Variants in PRKCE observed in about 807,000 individuals in gnomAD.
The protein encoded by PRKCE is protein kinase C epsilon, also known as protein kinase C epsilon type.
A neutral mutation model predicts 85.4 loss-of-function variants in PRKCE; 16 were observed. That is an observed-to-expected ratio of 0.19 (90% CI 0.13 to 0.28). PRKCE has a LOEUF of 0.28. PRKCE is among the 10% of genes least tolerant of loss of function. PRKCE has a pLI of 1.00. For missense variants in PRKCE, 573 were observed against 975.2 expected (o/e 0.59, Z 5.49); for synonymous variants, 388 against 371.5 (o/e 1.04, Z -0.51).
At chr2:45,840,130 G>GCATT (rs1691226604) in intron 1 of PRKCE, among the ~76,000 whole-genome samples, 1 of 152,168 alleles carries the variant, frequency 6.6e-6, no homozygotes, top group Non-Finnish European at 1.5e-5. Context: ...TACACAGATA[G>GCATT]CATTGTACTT....
intron 13 of PRKCE, among the ~76,000 whole-genome samples, chr2:46,156,412 G>A (rs909631281): frequency 2.0e-5 from 3 of 152,200 alleles, no homozygotes; most frequent in Non-Finnish European, 2.9e-5. Flanking sequence ...TGGCAGTTAC[G>A]TGTTTCTTCT....
chr2:46,168,460 GA>G, intron 14 of PRKCE, among the ~76,000 whole-genome samples: 1 of 152,126 alleles, frequency 6.6e-6, no homozygotes, highest in Non-Finnish European at 1.5e-5. Context: ...AACTATCTGC[GA>G]AAGGCATAAA....
At chr2:46,166,583 T>C (rs893179768) in intron 14 of PRKCE, among the ~76,000 whole-genome samples, 5 of 152,220 alleles carry the variant, frequency 3.3e-5, no homozygotes, top group Non-Finnish European at 7.3e-5. Flanking sequence ...AAAATTGCTC[T>C]CACAGGAAAG....
intron 1 of PRKCE, among the ~76,000 whole-genome samples, chr2:45,722,550 C>A (rs1335618413): frequency 6.6e-6 from 1 of 152,230 alleles, no homozygotes; most frequent in Admixed American, 6.5e-5. Context: ...TGAACTTGGG[C>A]AGAAACTCAG....
rs1573432306 is a variant in PRKCE at position 45,806,601 on chromosome 2, A to G, written c.349-36399A>G. ...GCAACCCCCATTCCCCTCTCCTCAT[A>G]AGCACAGGCAACCACCCTTCTACTT... On this transcript the variant is annotated intron_variant, in intron 1 of 14. Coordinates refer to ENST00000306156, the MANE Select transcript of PRKCE (RefSeq NM_005400.3). Among the ~76,000 whole-genome samples, 6 of 152,146 alleles carry G rather than the reference A, an allele frequency of 3.9e-5. No homozygotes were observed. In the South Asian group the frequency reaches 1.2e-3, roughly 32 times the overall value.
At chr2:45,744,487 T>TCC (rs1553397717) in intron 1 of PRKCE, among the ~76,000 whole-genome samples, 1 of 31,048 alleles carries the variant, frequency 3.2e-5, no homozygotes. Flanking sequence ...CTTTCTTTCT[T>TCC]TTTCTTTCTT....
chr2:45,894,762 G>A lies in PRKCE; in HGVS notation c.412+51699G>A, dbSNP rs139322155. On this transcript the variant is annotated intron_variant, in intron 2 of 14. Coordinates refer to ENST00000306156, the MANE Select transcript of PRKCE (RefSeq NM_005400.3). ...GTTTGCGATGGAGTCTCACCATGTC[G>A]CCCAGGCTGGAGTGCAATGACGCGA... Among the ~76,000 whole-genome samples the A allele has an allele frequency of 5.3e-5, 8 of 152,228 alleles. No individual in the cohort carries two copies. The East Asian group carries it at 5.8e-4, about 11-fold the overall frequency.
intron 2 of PRKCE, among the ~76,000 whole-genome samples, chr2:45,865,695 G>T (rs1693535587): frequency 6.6e-6 from 1 of 152,106 alleles, no homozygotes; most frequent in African/African-American, 2.4e-5. Context: ...TCTCCCCTGT[G>T]GAGTCTCACA....
At chr2:45,775,730 A>G (rs1367559179) in intron 1 of PRKCE, among the ~76,000 whole-genome samples, 3 of 152,278 alleles carry the variant, frequency 2.0e-5, no homozygotes, top group East Asian at 1.9e-4. Flanking sequence ...CTCAGCCAGC[A>G]TGATCCTCGG....
chr2:46,050,146 G>T (rs1211989194), intron 10 of PRKCE, among the ~76,000 whole-genome samples: 1 of 152,236 alleles, frequency 6.6e-6, no homozygotes, highest in Non-Finnish European at 1.5e-5. Context: ...CACATTCCCA[G>T]ATCTCTGAAG....
chr2:45,981,251 A>G (rs1456526907), intron 5 of PRKCE, among the ~76,000 whole-genome samples: 1 of 152,206 alleles, frequency 6.6e-6, no homozygotes, highest in Non-Finnish European at 1.5e-5. Context: ...TTATCAGAAC[A>G]CTTGATTTCA....
chr2:46,021,613 T>C (rs6743504), intron 10 of PRKCE, among the ~76,000 whole-genome samples: 56,881 of 144,656 alleles, frequency 0.39, 10,557 homozygotes, highest in Middle Eastern at 0.5. Context: ...TGCTGCTAGT[T>C]GCAGCAGGTG....
chr2:45,791,547 T>C (rs752123585), intron 1 of PRKCE, among the ~76,000 whole-genome samples: 1 of 152,232 alleles, frequency 6.6e-6, no homozygotes, highest in Admixed American at 6.5e-5. Flanking sequence ...TTCTTTTCTT[T>C]CTTTTAGTTC....
intron 2 of PRKCE, among the ~76,000 whole-genome samples, chr2:45,871,782 C>T (rs1694105562): frequency 6.6e-6 from 1 of 152,204 alleles, no homozygotes; most frequent in African/African-American, 2.4e-5. Flanking sequence ...CAGTTCCCTC[C>T]TGAGACTGCC....
At position 45,774,591 on chromosome 2, in the gene PRKCE, T is replaced by A. The variant is rs1685603832; in HGVS notation, c.349-68409T>A. ...AATCGGGTGGCTTTTGGTGTGACTG[T>A]ACAGAGCAGGCAGCCTGTGGGGTAG... On this transcript the variant is annotated intron_variant, in intron 1 of 14. Transcript: ENST00000306156. This position sits in a 1 kb window ranked among gnomAD's most constrained non-coding sequence, Gnocchi z 4.3. 6.6e-6 allele frequency among the ~76,000 whole-genome samples: 1 copy of A among 152,148 alleles called. No individual in the cohort carries two copies. The highest frequency in any genetic ancestry group is 2.4e-5 in the African/African-American group (1 of 41,434).
chr2:45,995,872 CT>C (rs1173898149), intron 6 of PRKCE, among the ~76,000 whole-genome samples: 1 of 152,142 alleles, frequency 6.6e-6, no homozygotes, highest in Non-Finnish European at 1.5e-5. Flanking sequence ...TCCATATAAA[CT>C]TTAGAATGAG....
At chr2:45,965,773 G>T (rs1701690801) in intron 2 of PRKCE, among the ~76,000 whole-genome samples, 1 of 151,928 alleles carries the variant, frequency 6.6e-6, no homozygotes, top group Admixed American at 6.6e-5. Flanking sequence ...TTGCTTATAT[G>T]CGTTTGAGTG....
intron 1 of PRKCE, among the ~76,000 whole-genome samples, chr2:45,814,425 A>G (rs1272711280): frequency 6.6e-6 from 1 of 152,254 alleles, no homozygotes; most frequent in East Asian, 1.9e-4. Context: ...GCTGGAGGTC[A>G]GAGCCTTACC....
At chr2:45,913,753 G>A (rs1697549955) in intron 2 of PRKCE, among the ~76,000 whole-genome samples, 1 of 152,188 alleles carries the variant, frequency 6.6e-6, no homozygotes, top group Non-Finnish European at 1.5e-5. Context: ...AATATAACCT[G>A]CAGACATTGT....
Sources: allele counts gnomAD v4.1 joint callset (sites outside exome capture counted in the v4.1 genomes callset), GRCh38; gene constraint gnomAD v4.1.1; non-coding constraint Gnocchi (gnomAD v3.1); transcripts MANE v1.5; gene names NCBI Gene and HGNC (gene_info 2026-07-23, HGNC 2026-07-21).